RGS10: variants seen among roughly 807,000 people sequenced by gnomAD.
RGS10 encodes the protein regulator of G protein signaling 10, also known as regulator of G-protein signalling 10.
Under a neutral mutation model 23.5 loss-of-function variants are expected in RGS10, and 11 were observed. That is an observed-to-expected ratio of 0.47 (90% CI 0.29 to 0.77). The LOEUF is 0.77. Among genes scored for constraint, RGS10 ranks in the 30% least tolerant of loss-of-function variants. The probability of loss-of-function intolerance (pLI) is 0.08; values close to 1 mark genes in which losing one functional copy is unlikely to be tolerated. For synonymous variants in RGS10, 77 were observed against 83.2 expected, an observed-to-expected ratio of 0.92 and a Z score of 0.41; for missense variants, 180 against 226.3, an observed-to-expected ratio of 0.80 and a Z score of 1.31.
intron 1 of RGS10, among the ~76,000 whole-genome samples, chr10:119,533,583 A>C (rs1844354714): frequency 6.6e-6 from 1 of 152,206 alleles, no homozygotes; most frequent in Non-Finnish European, 1.5e-5. Context: ...ACAAAGTTGC[A>C]ATATTCTTCT....
chr10:119,508,000 G>A (rs902175911), intron 4 of RGS10, among the ~76,000 whole-genome samples: 1 of 151,914 alleles, frequency 6.6e-6, no homozygotes, highest in African/African-American at 2.4e-5. Context: ...CTCTGCTTGT[G>A]TATTTATTTA....
chr10:119,501,104 C>T (rs1186991682), intron 4 of RGS10, among the ~76,000 whole-genome samples: 1 of 152,196 alleles, frequency 6.6e-6, no homozygotes, highest in Non-Finnish European at 1.5e-5. Flanking sequence ...CACTGCTACC[C>T]AATCCTGTGC....
At chr10:119,507,018 T>G (rs1264876863) in intron 4 of RGS10, among the ~76,000 whole-genome samples, 1 of 152,158 alleles carries the variant, frequency 6.6e-6, no homozygotes, top group Non-Finnish European at 1.5e-5. Flanking sequence ...ATTTTAAAGT[T>G]GCAAGAAACA....
intron 2 of RGS10, among the ~76,000 whole-genome samples, chr10:119,526,648 C>T (rs752131641): frequency 1.8e-4 from 28 of 152,194 alleles, no homozygotes; most frequent in Non-Finnish European, 2.8e-4. Context: ...CTCACAGTGG[C>T]CTGGCGACCA....
rs942980355 is a variant in RGS10 at position 119,531,887 on chromosome 10, G to A, written c.50-4463C>T. On this transcript the variant is annotated intron_variant, in intron 1 of 4. Coordinates refer to ENST00000369103, the MANE Select transcript of RGS10 (RefSeq NM_001005339.2). Reference sequence around the variant, plus strand: ...CCTTATATCATATGCCATGAAATACGTTAACAATTGACACTATTACAGAAG... The same window carrying A: ...CCTTATATCATATGCCATGAAATACATTAACAATTGACACTATTACAGAAG... Among the ~76,000 whole-genome samples the A allele has an allele frequency of 5.3e-5, 8 of 152,114 alleles. 1 individual carries two copies. The highest frequency in any genetic ancestry group is 2.1e-4 in the South Asian group (1 of 4,824).
At chr10:119,521,213 A>G (rs547200681) in intron 3 of RGS10, among the ~76,000 whole-genome samples, 97 of 152,150 alleles carry the variant, frequency 6.4e-4, no homozygotes, top group African/African-American at 2.3e-3. Flanking sequence ...CCAGGCTGCA[A>G]AGAGCCGTGA....
chr10:119,522,853 CCT>C (rs1844233826), intron 3 of RGS10, among the ~76,000 whole-genome samples: 1 of 151,584 alleles, frequency 6.6e-6, no homozygotes, highest in African/African-American at 2.4e-5. Flanking sequence ...CTAGGGAATG[CCT>C]GGAGTCAGAA....
intron 4 of RGS10, among the ~76,000 whole-genome samples, chr10:119,514,001 T>C (rs144244300): frequency 9.8e-4 from 150 of 152,306 alleles, no homozygotes; most frequent in African/African-American, 3.5e-3. Flanking sequence ...ATAACACTCA[T>C]TGGAGATAAA....
chr10:119,510,456 C>T (rs1844064163), intron 4 of RGS10, among the ~76,000 whole-genome samples: 2 of 152,134 alleles, frequency 1.3e-5, no homozygotes. Flanking sequence ...AGGGAGCCCT[C>T]CTTGAGCACA....
chr10:119,520,191 A>C (rs776951987), intron 3 of RGS10, among the ~76,000 whole-genome samples: 1 of 152,272 alleles, frequency 6.6e-6, no homozygotes, highest in African/African-American at 2.4e-5. Context: ...CATCAATTTC[A>C]GAAAGAGAAT....
chr10:119,528,023 A>G (rs1216592326), intron 1 of RGS10, among the ~76,000 whole-genome samples: 1 of 152,070 alleles, frequency 6.6e-6, no homozygotes, highest in African/African-American at 2.4e-5. Flanking sequence ...ATTTCAGGCA[A>G]TAGCTCTTTT....
At chr10:119,502,464 G>T (rs1044416552) in intron 4 of RGS10, among the ~76,000 whole-genome samples, 4 of 152,240 alleles carry the variant, frequency 2.6e-5, no homozygotes, top group African/African-American at 9.6e-5. Context: ...AGCAGGATGC[G>T]GTGCGACCCA....
chr10:119,507,584 T>C (rs1844029910), intron 4 of RGS10, among the ~76,000 whole-genome samples: 1 of 139,298 alleles, frequency 7.2e-6, no homozygotes, highest in South Asian at 2.5e-4. Context: ...CAAGGCTTTT[T>C]TTTTTTTTTT....
At chr10:119,532,750 A>G (rs1190440715) in intron 1 of RGS10, among the ~76,000 whole-genome samples, 1 of 152,152 alleles carries the variant, frequency 6.6e-6, no homozygotes, top group Non-Finnish European at 1.5e-5. Flanking sequence ...CTGAGGCAGG[A>G]GAATTACTTG....
Position 119,524,036 on chromosome 10 carries a change from C to T in RGS10, c.255+1996G>A, listed in dbSNP as rs1463833554. Among the ~76,000 whole-genome samples, 2 of 152,152 alleles carry T rather than the reference C, an allele frequency of 1.3e-5. No individual in the cohort carries two copies. Among genetic ancestry groups the T allele is most frequent in the Non-Finnish European group, 2.9e-5 (2 of 68,034 alleles). On this transcript the variant is annotated intron_variant, in intron 3 of 4. Coordinates refer to ENST00000369103, the MANE Select transcript of RGS10 (RefSeq NM_001005339.2). This position sits in a 1 kb window ranked among gnomAD's most constrained non-coding sequence, Gnocchi z 5.2. ...CACACTGTCCCTGCTCCCGGGAACC[C>T]CCTCCCAATCTCAATGCCAAGTCTC... is the stretch of plus-strand genomic sequence containing the variant.
In RGS10 at chr10:119,518,711, TC is replaced by T. The variant is rs201951104; in HGVS notation, c.256-3060del. The stretch of plus-strand genomic sequence containing the variant: ...TAATGGCCTCACCACCCCCAATCCC[TC>T]TTTTTTTTTTTCAAGATGGAGTCTC... On this transcript the variant is annotated intron_variant, in intron 3 of 4. Coordinates refer to ENST00000369103, the MANE Select transcript of RGS10 (RefSeq NM_001005339.2). Among the ~76,000 whole-genome samples, 291 of 144,758 alleles carry T rather than the reference TC, an allele frequency of 2.0e-3. 2 individuals carry two copies. The highest frequency in any genetic ancestry group is 3.9e-3 in the Admixed American group (56 of 14,486). The allele number at this position is 144,758 out of a possible 152,430, so 95.0% of individuals were successfully genotyped here. A position where few individuals can be genotyped will look rare whatever the true frequency, so the allele number is the denominator to read the frequency against.
chr10:119,528,972 T>C (rs554450991), intron 1 of RGS10, among the ~76,000 whole-genome samples: 1 of 152,342 alleles, frequency 6.6e-6, no homozygotes, highest in East Asian at 1.9e-4. Context: ...CATCTTCCAC[T>C]GTACTCTCTG....
At chr10:119,539,919 C>T (rs1297179430) in intron 1 of RGS10, among the ~76,000 whole-genome samples, 4 of 147,790 alleles carry the variant, frequency 2.7e-5, no homozygotes, top group South Asian at 2.2e-4. Flanking sequence ...GAAGTTTATA[C>T]AATTTGAGGA....
intron 4 of RGS10, among the ~76,000 whole-genome samples, chr10:119,509,714 A>G (rs1312961293): frequency 6.6e-6 from 1 of 152,176 alleles, no homozygotes; most frequent in Admixed American, 6.5e-5. Context: ...ACGCTCATAG[A>G]CTGCTTGGCA....
Sources: allele counts gnomAD v4.1 joint callset (sites outside exome capture counted in the v4.1 genomes callset), GRCh38; gene constraint gnomAD v4.1.1; non-coding constraint Gnocchi (gnomAD v3.1); transcripts MANE v1.5; gene names NCBI Gene and HGNC (gene_info 2026-07-23, HGNC 2026-07-21).